ATP9A: variants seen among roughly 807,000 people sequenced by gnomAD.
ATP9A encodes the protein probable phospholipid-transporting ATPase IIA.
In ATP9A, 52 loss-of-function variants were observed where a neutral mutation model predicts 144.1. The ratio of observed to expected loss-of-function variants is 0.36; its 90% CI spans 0.29 to 0.45. The LOEUF is 0.45. Among genes scored for constraint, ATP9A ranks in the 20% least tolerant of loss-of-function variants. ATP9A has a pLI of 1.00. For missense variants in ATP9A, 947 were observed against 1,392.7 expected (o/e 0.68, Z 5.09); for synonymous variants, 582 against 557.4 (o/e 1.04, Z -0.62).
rs140571757 is a variant in ATP9A at position 51,617,574 on chromosome 20, G to C, written c.2351-20C>G. ...CGTCCCCTGCGAGCCACACAGACCA[G>C]AGAGAAAAGATGTTTCATTCTTACC... On this transcript the variant is annotated intron_variant, in intron 21 of 27. Coordinates refer to ENST00000338821, the MANE Select transcript of ATP9A (RefSeq NM_006045.3). The C allele has an allele frequency of 4.8e-3, 7,720 of 1,608,516 alleles. 24 individuals carry two copies. The highest frequency in any genetic ancestry group is 5.9e-3 in the Non-Finnish European group (6,996 of 1,177,268).
intron 9 of ATP9A, among the ~76,000 whole-genome samples, chr20:51,679,281 G>A (rs1330996143): frequency 1.3e-5 from 2 of 152,044 alleles, no homozygotes; most frequent in African/African-American, 4.8e-5. Flanking sequence ...CCGAGATCAC[G>A]CCACTGTACT....
chr20:51,683,037 A>G (rs1175234819), intron 9 of ATP9A, among the ~76,000 whole-genome samples: 1 of 150,142 alleles, frequency 6.7e-6, no homozygotes, highest in African/African-American at 2.4e-5. Flanking sequence ...GGTTGCAATG[A>G]GCAGAGATCG....
At chr20:51,610,212 C>T (rs1198426499) in intron 23 of ATP9A, 47 bp from the exon 24 acceptor site, 1 of 1,462,324 alleles carries the variant, frequency 6.8e-7, no homozygotes. Flanking sequence ...ATGACAAAAT[C>T]CCTTACATTT....
chr20:51,751,423 C>A (rs781010972), intron 1 of ATP9A, among the ~76,000 whole-genome samples: 4 of 151,746 alleles, frequency 2.6e-5, no homozygotes, highest in Non-Finnish European at 5.9e-5. Context: ...CCATGCCCAG[C>A]TAATTTTTTA....
intron 2 of ATP9A, among the ~76,000 whole-genome samples, chr20:51,727,634 T>C (rs779580101): frequency 2.0e-5 from 3 of 151,430 alleles, no homozygotes; most frequent in Non-Finnish European, 4.4e-5. Flanking sequence ...AAAAAATAAT[T>C]TTTAAAAAGT....
chr20:51,623,801 A>AAAGAAAGAAAG (rs1555829564), intron 18 of ATP9A, among the ~76,000 whole-genome samples: 7 of 133,390 alleles, frequency 5.2e-5, no homozygotes, highest in African/African-American at 1.8e-4. Flanking sequence ...AAAAAAAAAA[A>AAAGAAAGAAAG]AAAGAAAGAA....
intron 1 of ATP9A, among the ~76,000 whole-genome samples, chr20:51,749,218 A>T (rs1399298311): frequency 6.6e-6 from 1 of 152,178 alleles, no homozygotes; most frequent in Non-Finnish European, 1.5e-5. Flanking sequence ...AAATAATTTC[A>T]AAAAGGGAAT....
chr20:51,720,968 C>T (rs578157402), intron 3 of ATP9A, among the ~76,000 whole-genome samples: 34 of 152,306 alleles, frequency 2.2e-4, no homozygotes, highest in Non-Finnish European at 4.6e-4. Flanking sequence ...GGAAGGGATG[C>T]TTGGATAAAG....
chr20:51,634,345 A>G (rs531357014), intron 15 of ATP9A, among the ~76,000 whole-genome samples: 1 of 152,218 alleles, frequency 6.6e-6, no homozygotes, highest in South Asian at 2.1e-4. Context: ...GAAACACCCC[A>G]CCCACAGGAT....
At chr20:51,638,293 GAAA>G (rs11477244) in intron 15 of ATP9A, among the ~76,000 whole-genome samples, 1 of 121,458 alleles carries the variant, frequency 8.2e-6, no homozygotes. Flanking sequence ...ATTTGTCAAG[GAAA>G]AAAAAAAAAA....
intron 16 of ATP9A, among the ~76,000 whole-genome samples, chr20:51,628,712 T>C (rs991337111): frequency 1.3e-5 from 2 of 152,178 alleles, no homozygotes; most frequent in African/African-American, 4.8e-5. Flanking sequence ...CCTGGTCAAG[T>C]CTTGAGATGA....
intron 4 of ATP9A, among the ~76,000 whole-genome samples, chr20:51,705,391 A>G (rs968972076): frequency 6.6e-6 from 1 of 152,206 alleles, no homozygotes; most frequent in African/African-American, 2.4e-5. Flanking sequence ...GTAAGCAGAG[A>G]GCATCACTCA....
At chr20:51,622,897 G>A (rs976437140) in intron 18 of ATP9A, among the ~76,000 whole-genome samples, 2 of 152,130 alleles carry the variant, frequency 1.3e-5, no homozygotes, top group South Asian at 4.1e-4. Context: ...ATCTGGATAG[G>A]AGGGAAAGTA....
chr20:51,610,452 G>A (rs556157997), intron 23 of ATP9A, among the ~76,000 whole-genome samples: 2 of 152,200 alleles, frequency 1.3e-5, no homozygotes, highest in South Asian at 2.1e-4. Flanking sequence ...AATCATTCCC[G>A]GGTAGGGTGA....
At chr20:51,639,542 C>G in intron 14 of ATP9A, 38 bp from the exon 15 acceptor site, 1 of 1,570,616 alleles carries the variant, frequency 6.4e-7, no homozygotes, top group Non-Finnish European at 8.6e-7. Context: ...GATGCCCAGC[C>G]GAGAATCTGG....
chr20:51,712,885 G>T, intron 4 of ATP9A, 81 bp downstream of exon 4: 1 of 1,277,724 alleles, frequency 7.8e-7, no homozygotes, highest in East Asian at 2.5e-5. Flanking sequence ...CCTGCGGCCC[G>T]GGCCTTGAAC....
intron 3 of ATP9A, among the ~76,000 whole-genome samples, chr20:51,717,930 G>A (rs2122856877): frequency 6.6e-6 from 1 of 151,866 alleles, no homozygotes; most frequent in East Asian, 1.9e-4. Flanking sequence ...CTCCAGCCTG[G>A]GTGACAGAGA....
intron 13 of ATP9A, among the ~76,000 whole-genome samples, chr20:51,665,724 C>CAA (rs34213354): frequency 2.4e-5 from 3 of 124,196 alleles, no homozygotes; most frequent in African/African-American, 9.9e-5. Flanking sequence ...GACTTCGTCT[C>CAA]AAAAAAAAAA....
Position 51,611,870 on chromosome 20 carries a change from T to C in ATP9A, c.2572-1705A>G, listed in dbSNP as rs796922390. 1.2e-4 allele frequency among the ~76,000 whole-genome samples: 19 copies of C among 152,302 alleles called. No homozygotes were observed. The highest frequency in any genetic ancestry group is 3.4e-4 in the African/African-American group (14 of 41,566). On this transcript the variant is annotated intron_variant, in intron 23 of 27. Transcript: ENST00000338821. The surrounding 1 kb of genome is among the most constrained non-coding windows in gnomAD (Gnocchi z 4.2). Reference sequence around the variant, plus strand: ...CACTTTCAGGCTCCCCTACTCACAATTGCAATAGATATTTAAAACATAAAA... The same window carrying C: ...CACTTTCAGGCTCCCCTACTCACAACTGCAATAGATATTTAAAACATAAAA...
Sources: allele counts gnomAD v4.1 joint callset (sites outside exome capture counted in the v4.1 genomes callset), GRCh38; gene constraint gnomAD v4.1.1; non-coding constraint Gnocchi (gnomAD v3.1); transcripts MANE v1.5; gene names NCBI Gene and HGNC (gene_info 2026-07-23, HGNC 2026-07-21).